NBEAL1: variants seen among roughly 807,000 people sequenced by gnomAD.
NBEAL1 encodes the protein neurobeachin like 1, also known as neurobeachin-like protein 1.
NBEAL1 carries 273 observed loss-of-function variants against 351.3 expected under a neutral mutation model. The ratio of observed to expected loss-of-function variants is 0.78; its 90% CI spans 0.70 to 0.86. NBEAL1 has a LOEUF of 0.86. Ranked by LOEUF, NBEAL1 falls within the 40% of genes least tolerant of loss-of-function variation. The pLI is 0.00. For missense variants in NBEAL1, 2,961 were observed against 3,201.3 expected, an observed-to-expected ratio of 0.92 and a Z score of 1.81; for synonymous variants, 1,050 against 1,086.4, an observed-to-expected ratio of 0.97 and a Z score of 0.66.
At chr2:203,068,627 G>A (rs1291308573) in intron 7 of NBEAL1, among the ~76,000 whole-genome samples, 152 bp downstream of exon 7, 1 of 152,046 alleles carries the variant, frequency 6.6e-6, no homozygotes, top group Non-Finnish European at 1.5e-5. Context: ...CATGATTTGT[G>A]TTTGGCTGCA....
At chr2:203,141,073 A>G (rs970544915) in intron 31 of NBEAL1, among the ~76,000 whole-genome samples, 3 of 151,620 alleles carry the variant, frequency 2.0e-5, no homozygotes, top group African/African-American at 7.3e-5. Flanking sequence ...TTTTCAACCT[A>G]GAAGTAGAAT....
chr2:203,217,329 A>G lies in NBEAL1; in HGVS notation c.8147A>G (p.Glu2716Gly), dbSNP rs1382602640. Residue 2716 changes from glutamate to glycine, a missense_variant, in exon 56 of 56, where the codon GAA becomes GGA. Glu to Gly is a moderately conservative substitution (Grantham distance 98). Transcript: ENST00000683969. ...RLSQISAGET[E>G]YNTQDSK ...AGCCAGATTTCAGCTGGAGAAACTG[A>G]ATATAATACTCAAGATTCCAAGTGA... 6.3e-7 allele frequency: 1 copy of G among 1,585,496 alleles called. No homozygotes were observed. The highest frequency in any genetic ancestry group is 2.3e-5 in the East Asian group (1 of 44,376).
intron 38 of NBEAL1, among the ~76,000 whole-genome samples, chr2:203,168,167 G>A (rs2106400164): frequency 6.6e-6 from 1 of 152,342 alleles, no homozygotes; most frequent in East Asian, 1.9e-4. Context: ...GTGTTTTATG[G>A]AAAGCTGTGT....
At chr2:203,097,815 T>C (rs1298102321) in intron 11 of NBEAL1, among the ~76,000 whole-genome samples, 182 bp downstream of exon 11, 2 of 152,226 alleles carry the variant, frequency 1.3e-5, no homozygotes, top group African/African-American at 2.4e-5. Context: ...AGGATAAATA[T>C]CTTGGTGGTT....
chr2:203,107,837 A>G lies in NBEAL1; in HGVS notation c.1598A>G (p.His533Arg), dbSNP rs1413971443. 1.3e-6 allele frequency: 2 copies of G among 1,554,482 alleles called. No homozygotes were observed. The highest frequency in any genetic ancestry group is 3.9e-5 in the Admixed American group (2 of 51,024). ...IETLDLHSSLHQTCAENLIAI... is the reference protein window; with the variant it reads ...IETLDLHSSLRQTCAENLIAI... Reference sequence around the variant, plus strand: ...ACCCTTGACTTGCATTCTTCCCTCCATCAAACTTGTGCTGAGAACTTGATT... The same window carrying G: ...ACCCTTGACTTGCATTCTTCCCTCCGTCAAACTTGTGCTGAGAACTTGATT... Residue 533 changes from histidine (H) to arginine (R), a missense_variant, in exon 14 of 56, where the codon CAT becomes CGT. His to Arg is a conservative substitution (Grantham distance 29). Transcript: ENST00000683969.
chr2:203,029,876 A>C (rs1355615102), intron 2 of NBEAL1, among the ~76,000 whole-genome samples: 1 of 152,070 alleles, frequency 6.6e-6, no homozygotes, highest in Non-Finnish European at 1.5e-5. Context: ...CTTTCATTAA[A>C]ATTTTTGCCT....
At chr2:203,070,205 T>TA (rs1559345042) in intron 7 of NBEAL1, among the ~76,000 whole-genome samples, 2 of 152,070 alleles carry the variant, frequency 1.3e-5, no homozygotes, top group Non-Finnish European at 2.9e-5. Flanking sequence ...CTTTTTTTTT[T>TA]AATGTACTTT....
At chr2:203,170,018 C>T (rs1261790806) in intron 39 of NBEAL1, among the ~76,000 whole-genome samples, 167 bp downstream of exon 39, 1 of 152,168 alleles carries the variant, frequency 6.6e-6, no homozygotes, top group Non-Finnish European at 1.5e-5. Context: ...AGACAGTGCC[C>T]TCCCTGCCAC....
rs1003914992 is a variant in NBEAL1 at position 203,178,918 on chromosome 2, G to A, written c.6465-1464G>A. 3.3e-5 allele frequency among the ~76,000 whole-genome samples: 5 copies of A among 152,082 alleles called. No homozygotes were observed. In the East Asian group the frequency reaches 5.8e-4, roughly 18 times the overall value. ...AACCTTTGAATCATCCACTTAAAACGAGCAATTTATATGTTAATTTTATCT... is the reference window on the plus strand; with the variant it reads ...AACCTTTGAATCATCCACTTAAAACAAGCAATTTATATGTTAATTTTATCT... On this transcript the variant is annotated intron_variant, in intron 42 of 55. Coordinates refer to ENST00000683969, the MANE Select transcript of NBEAL1 (RefSeq NM_001378026.1).
intron 31 of NBEAL1, among the ~76,000 whole-genome samples, chr2:203,144,210 CAAAAA>C (rs1203059538): frequency 1.9e-5 from 1 of 52,970 alleles, no homozygotes. Context: ...GACTCCATCT[CAAAAA>C]AAAAAAAAAA....
chr2:203,107,724 C>G lies in NBEAL1; in HGVS notation c.1485C>G (p.Ile495Met). 6.4e-7 allele frequency: 1 copy of G among 1,553,612 alleles called. No homozygotes were observed. The highest frequency in any genetic ancestry group is 8.7e-7 in the Non-Finnish European group (1 of 1,147,490). ...ELQSHDLQIF[I>M]SDWLKRICCI... ...AATCCCATGACCTGCAAATCTTCAT[C>G]TCTGATTGGCTGAAAAGAATTTGTT... is the stretch of plus-strand genomic sequence containing the variant. The change falls in exon 14 of 56, where the codon ATC becomes ATG. Residue 495 changes from isoleucine to methionine, a missense_variant. Coordinates refer to ENST00000683969, the MANE Select transcript of NBEAL1 (RefSeq NM_001378026.1).
At chr2:203,161,106 T>C (rs1213497278) in intron 36 of NBEAL1, among the ~76,000 whole-genome samples, 2 of 152,102 alleles carry the variant, frequency 1.3e-5, no homozygotes, top group Middle Eastern at 3.4e-3. Flanking sequence ...GGCGGGTGGA[T>C]CACGAGGTCA....
chr2:203,180,659 C>G (rs554360703), intron 43 of NBEAL1, 147 bp downstream of exon 43: 1 of 756,936 alleles, frequency 1.3e-6, no homozygotes, highest in East Asian at 3.3e-5. Flanking sequence ...TGAACTAATG[C>G]TATGAGTCTT....
At chr2:203,199,166 CTT>C (rs1434736802) in intron 48 of NBEAL1, among the ~76,000 whole-genome samples, 170 bp from the exon 49 acceptor site, 1 of 152,100 alleles carries the variant, frequency 6.6e-6, no homozygotes, top group African/African-American at 2.4e-5. Context: ...AAAAAAAGAG[CTT>C]TTTCTGTTTG....
At chr2:203,174,356 T>C (rs750521263) in intron 41 of NBEAL1, among the ~76,000 whole-genome samples, 8 of 151,916 alleles carry the variant, frequency 5.3e-5, no homozygotes, top group Non-Finnish European at 1.0e-4. Context: ...TGGAAAGATG[T>C]CTGTAGAAAA....
chr2:203,161,357 G>A (rs145755232), intron 36 of NBEAL1, among the ~76,000 whole-genome samples: 2,172 of 145,128 alleles, frequency 0.015, 25 homozygotes, highest in Middle Eastern at 0.051. Context: ...TAGGCCAGGC[G>A]TGGTGGTTCA....
At chr2:203,131,680 A>G (rs1430498485) in intron 25 of NBEAL1, among the ~76,000 whole-genome samples, 1 of 152,158 alleles carries the variant, frequency 6.6e-6, no homozygotes, top group Non-Finnish European at 1.5e-5. Context: ...CTGCAATTCA[A>G]AAAATTGCAA....
Position 203,084,530 on chromosome 2 carries a change from T to G in NBEAL1, c.1059T>G (p.Asn353Lys). 1.3e-6 allele frequency: 2 copies of G among 1,545,964 alleles called. No individual in the cohort carries two copies. Among genetic ancestry groups the G allele is most frequent in the Non-Finnish European group, 1.7e-6 (2 of 1,144,116 alleles). The change falls in exon 10 of 56, where the codon AAT becomes AAG. Residue 353 changes from asparagine to lysine, a missense_variant. By Grantham distance (94) the Asn-to-Lys change is moderately conservative (BLOSUM62 0). Transcript: ENST00000683969. Reference sequence around the variant, plus strand: ...TTCAGGCCATTTTTCTTAACAGCAATTGCTTTGAACATCTCATACGACTGC... The same window carrying G: ...TTCAGGCCATTTTTCTTAACAGCAAGTGCTTTGAACATCTCATACGACTGC... ...PVLQAIFLNSNCFEHLIRLLQ... is the reference protein window; with the variant it reads ...PVLQAIFLNSKCFEHLIRLLQ...
intron 27 of NBEAL1, among the ~76,000 whole-genome samples, chr2:203,134,201 G>C (rs1224901089): frequency 6.6e-6 from 1 of 152,088 alleles, no homozygotes; most frequent in Non-Finnish European, 1.5e-5. Flanking sequence ...ATTTGGAGCA[G>C]GTCATATAAA....
Sources: allele counts gnomAD v4.1 joint callset (sites outside exome capture counted in the v4.1 genomes callset), GRCh38; gene constraint gnomAD v4.1.1; transcripts MANE v1.5; gene names NCBI Gene and HGNC (gene_info 2026-07-23, HGNC 2026-07-21).